Variants in CENPN observed in about 807,000 individuals in gnomAD.
CENPN encodes the protein interphase centromere complex protein 32.
In CENPN, 36 loss-of-function variants were observed where a neutral mutation model predicts 48.6. The ratio of observed to expected loss-of-function variants is 0.74; its 90% CI spans 0.57 to 0.98. The LOEUF is 0.98. CENPN is among the 50% of genes least tolerant of loss of function. The pLI, the probability that CENPN is intolerant of heterozygous loss-of-function variation, is 0.00. For synonymous variants in CENPN, 166 were observed against 135.2 expected (o/e 1.23, Z -1.58); for missense variants, 439 against 399.2 (o/e 1.10, Z -0.85).
chr16:81,032,076 T>C (rs1404732466), downstream of CENPN, among the ~76,000 whole-genome samples: 1 of 152,084 alleles, frequency 6.6e-6, no homozygotes, highest in Non-Finnish European at 1.5e-5. Context: ...AGAGTCAAGG[T>C]CCCTCCAACC....
Position 81,014,150 on chromosome 16 carries a change from T to C in CENPN, c.186T>C (p.Ser62=). ...LIHLCEEKRA[S]ISDAALLDII... ...TTCTCTTTTAGGAAAAGCGTGCAAG[T>C]ATCAGTGATGCTGCCCTGTTAGACA... The change falls in exon 3 of 11, where the codon AGT becomes AGC. Residue 62 remains serine (S), a synonymous_variant. Transcript: ENST00000305850. The C allele has an allele frequency of 6.2e-7, 1 of 1,613,568 alleles. No individual in the cohort carries two copies. The highest frequency in any genetic ancestry group is 2.2e-5 in the East Asian group (1 of 44,874).
chr16:81,014,472 T>A (rs1250064897), intron 3 of CENPN: 1 of 349,556 alleles, frequency 2.9e-6, no homozygotes, highest in African/African-American at 2.1e-5. Context: ...GGCTAAAGTG[T>A]TCCTCCTACC....
chr16:81,009,139 AGAGGCTGCAG>A (rs1478475153), intron 1 of CENPN, among the ~76,000 whole-genome samples: 1 of 152,182 alleles, frequency 6.6e-6, no homozygotes, highest in African/African-American at 2.4e-5. Flanking sequence ...TCTGGGAGGC[AGAGGCTGCAG>A]GAGGCTGCAG....
At chr16:81,007,916 G>A (rs370633248) in intron 1 of CENPN, among the ~76,000 whole-genome samples, 2 of 152,074 alleles carry the variant, frequency 1.3e-5, no homozygotes, top group Admixed American at 1.3e-4. Flanking sequence ...AGACCAGCCT[G>A]GCCAACATGG....
At chr16:81,026,179 GTGTGTGTATATATA>G (rs1970481441) in intron 8 of CENPN, among the ~76,000 whole-genome samples, 1 of 143,356 alleles carries the variant, frequency 7.0e-6, no homozygotes, top group Non-Finnish European at 1.5e-5. Flanking sequence ...GTATATATAT[GTGTGTGTATATATA>G]TGTATATATA....
Position 81,029,003 on chromosome 16 carries a change from A to G in CENPN, c.*352A>G, listed in dbSNP as rs1018532087. ...TTTTTTCTATGGCTGTCTCTTCTCA[A>G]TTCTGGAGAGGTCTGGTTCCAGTGG... On this transcript the variant is annotated 3_prime_UTR_variant, in exon 11 of 11. Coordinates refer to ENST00000305850, the MANE Select transcript of CENPN (RefSeq NM_001100624.3). 6.0e-6 allele frequency: 6 copies of G among 998,994 alleles called. No homozygotes were observed. The highest frequency in any genetic ancestry group is 3.5e-5 in the African/African-American group (2 of 57,592). The allele number at this position is 998,994 out of a possible 1,614,324, so 61.9% of individuals were successfully genotyped here.
rs574294663 is a variant in CENPN, at chr16:81,008,936, G to C, written c.-11+1659G>C. Among the ~76,000 whole-genome samples the C allele has an allele frequency of 7.2e-5, 11 of 152,364 alleles. No homozygotes were observed. The South Asian group carries it at 2.3e-3, about 32-fold the overall frequency. On this transcript the variant is annotated intron_variant, in intron 1 of 10. Transcript: ENST00000305850. ...AATTAGCAGTGGATGGCCTGGTGCA[G>C]AGGCTCACGCCTGTAATCCCAGTAC... is the stretch of plus-strand genomic sequence containing the variant.
rs542053894 is a variant in CENPN, at chr16:81,017,737, A to AT, written c.278-12dup. ...ATTGTAGCTCCCTTGATTTTTCTTT[A>AT]TTTTTTTTTCACTTTGGCAGGTGAA... On this transcript the variant is annotated intron_variant, in intron 4 of 10. Transcript: ENST00000305850. The AT allele has an allele frequency of 9.9e-4, 1,444 of 1,457,292 alleles. 1 individual carries two copies. The highest frequency in any genetic ancestry group is 1.4e-3 in the Admixed American group (69 of 48,008). The allele number at this position is 1,457,292 out of a possible 1,614,324, so 90.3% of individuals were successfully genotyped here.
chr16:81,032,438 C>T (rs138179361), downstream of CENPN: 813 of 848,128 alleles, frequency 9.6e-4, 4 homozygotes, highest in African/African-American at 0.013. Flanking sequence ...AGCGTCCACA[C>T]CCCATTGGGG....
downstream of CENPN, chr16:81,032,578 T>C (rs760862099): frequency 1.2e-6 from 2 of 1,605,066 alleles, no homozygotes; most frequent in Non-Finnish European, 1.7e-6. Flanking sequence ...AGCACTTGTT[T>C]GCAGGATCCA....
chr16:81,014,285 A>G lies in CENPN; in HGVS notation c.217+104A>G, dbSNP rs566955155. On this transcript the variant is annotated intron_variant, in intron 3 of 10. Transcript: ENST00000305850. Reference sequence around the variant, plus strand: ...GGTCTCCCTCTGTCGCCCAGGCTGGAGTGCAGTAACGCCATCTCAGCTCAC... The same window carrying G: ...GGTCTCCCTCTGTCGCCCAGGCTGGGGTGCAGTAACGCCATCTCAGCTCAC... The G allele has an allele frequency of 3.0e-5, 28 of 931,966 alleles. No individual in the cohort carries two copies. The Middle Eastern group carries it at 2.0e-3, about 67-fold the overall frequency. The allele number at this position is 931,966 out of a possible 1,614,324, so 57.7% of individuals were successfully genotyped here.
chr16:81,017,174 C>T, intron 3 of CENPN, 152 bp from the exon 4 acceptor site: 11 of 555,502 alleles, frequency 2.0e-5, no homozygotes, highest in South Asian at 4.4e-5. Flanking sequence ...TACTTTAATC[C>T]ATATAAAGTT....
Position 81,028,996 on chromosome 16 carries a change from C to G in CENPN, c.*345C>G, listed in dbSNP as rs1216977449. 2.0e-6 allele frequency: 2 copies of G among 1,000,932 alleles called. No individual in the cohort carries two copies. Among genetic ancestry groups the G allele is most frequent in the Non-Finnish European group, 2.4e-6 (2 of 840,800 alleles). The allele number at this position is 1,000,932 out of a possible 1,614,324, so 62.0% of individuals were successfully genotyped here. The stretch of plus-strand genomic sequence containing the variant: ...TGTGTCCTTTTTTCTATGGCTGTCT[C>G]TTCTCAATTCTGGAGAGGTCTGGTT... On this transcript the variant is annotated 3_prime_UTR_variant, in exon 11 of 11. Transcript: ENST00000305850.
At chr16:81,024,361 T>C in intron 7 of CENPN, 1 of 159,924 alleles carries the variant, frequency 6.3e-6, no homozygotes, top group Non-Finnish European at 1.4e-5. Flanking sequence ...AGACTTACAG[T>C]AGGAAAGTTA....
intron 7 of CENPN, chr16:81,023,999 T>C (rs1246780686): frequency 6.6e-6 from 1 of 151,830 alleles, no homozygotes; most frequent in Non-Finnish European, 1.5e-5. Context: ...GAGAATGGCA[T>C]GAAACCGGGA....
intron 2 of CENPN, among the ~76,000 whole-genome samples, chr16:81,013,691 T>G (rs1235359061): frequency 6.6e-6 from 1 of 151,734 alleles, no homozygotes; most frequent in Admixed American, 6.6e-5. Flanking sequence ...TTTGCACTCC[T>G]GCTTGGGCAA....
chr16:81,024,543 A>G (rs1970371673), intron 7 of CENPN, 172 bp from the exon 8 acceptor site: 1 of 491,240 alleles, frequency 2.0e-6, no homozygotes, highest in Admixed American at 3.5e-5. Context: ...CAGGCTCAGC[A>G]GCCTCCTTGT....
Position 81,022,714 on chromosome 16 carries a change from A to G in CENPN, c.633+16A>G. On this transcript the variant is annotated intron_variant, in intron 7 of 10. Coordinates refer to ENST00000305850, the MANE Select transcript of CENPN (RefSeq NM_001100624.3). ...GTATAATCAGGTGAGCCAATCAGTG[A>G]CTCTCTTTAAAGGTAAATCTTTATT... The G allele has an allele frequency of 6.2e-7, 1 of 1,614,056 alleles. No homozygotes were observed. The highest frequency in any genetic ancestry group is 8.5e-7 in the Non-Finnish European group (1 of 1,179,974).
At chr16:81,012,199 A>C in intron 2 of CENPN, 89 bp downstream of exon 2, 1 of 1,203,598 alleles carries the variant, frequency 8.3e-7, no homozygotes, top group Non-Finnish European at 1.2e-6. Flanking sequence ...AAGAGATGTA[A>C]GGTAGCTGCT....
Sources: allele counts gnomAD v4.1 joint callset (sites outside exome capture counted in the v4.1 genomes callset), GRCh38; gene constraint gnomAD v4.1.1; transcripts MANE v1.5; gene names NCBI Gene and HGNC (gene_info 2026-07-23, HGNC 2026-07-21).